NLRP5: variants seen among roughly 807,000 people sequenced by gnomAD.
The protein encoded by NLRP5 is NLR family pyrin domain containing 5.
A neutral mutation model predicts 113.1 loss-of-function variants in NLRP5; 93 were observed. The ratio of observed to expected loss-of-function variants is 0.82; its 90% CI spans 0.70 to 0.98. NLRP5 has a LOEUF of 0.98. Among genes scored for constraint, NLRP5 ranks in the 50% least tolerant of loss-of-function variants. The pLI is 0.00. For synonymous variants in NLRP5, 751 were observed against 600.7 expected, an observed-to-expected ratio of 1.25 and a Z score of -3.66; for missense variants, 1,808 against 1,514.3, an observed-to-expected ratio of 1.19 and a Z score of -3.22.
chr19:56,055,770 C>G lies in NLRP5; in HGVS notation c.3299+1962C>G, dbSNP rs990466478. On this transcript the variant is annotated intron_variant, in intron 13 of 14. Transcript: ENST00000390649. ...CCGTGTTAGCCAGGATGGTCTCAAT[C>G]TCCTGACCTCATGATCTGCCCGCCT... Among the ~76,000 whole-genome samples the G allele has an allele frequency of 1.3e-4, 20 of 151,746 alleles. No homozygotes were observed. The South Asian group carries it at 2.3e-3, about 17-fold the overall frequency.
At chr19:56,011,324 T>C (rs780814063) in intron 3 of NLRP5, among the ~76,000 whole-genome samples, 19 of 151,912 alleles carry the variant, frequency 1.3e-4, no homozygotes, top group Non-Finnish European at 2.4e-4. Flanking sequence ...AGTGGTTGCC[T>C]AGGGCTGGGG....
chr19:56,039,899 C>T (rs994299671), intron 10 of NLRP5, among the ~76,000 whole-genome samples: 15 of 151,798 alleles, frequency 9.9e-5, no homozygotes, highest in Middle Eastern at 3.4e-3. Context: ...GGGCAACAAG[C>T]GCAAAACTCC....
intron 11 of NLRP5, among the ~76,000 whole-genome samples, chr19:56,043,780 C>T (rs494910): frequency 0.063 from 9,465 of 151,150 alleles, 388 homozygotes; most frequent in Non-Finnish European, 0.094. Flanking sequence ...GGTTTCACCA[C>T]GTTAGCCAGG....
chr19:56,032,833 G>C (rs1983175028), intron 8 of NLRP5, 52 bp downstream of exon 8: 2 of 1,530,466 alleles, frequency 1.3e-6, no homozygotes, highest in East Asian at 4.6e-5. Context: ...CGCTATCCCA[G>C]CTCTCCCCTA....
Position 56,002,540 on chromosome 19 carries a change from G to A in NLRP5, c.63-1176G>A, listed in dbSNP as rs536043753. 4.6e-5 allele frequency among the ~76,000 whole-genome samples: 7 copies of A among 151,194 alleles called. No individual in the cohort carries two copies. In the East Asian group the frequency reaches 7.8e-4, roughly 17 times the overall value. On this transcript the variant is annotated intron_variant, in intron 1 of 14. Transcript: ENST00000390649. ...GCAGGTTTGTTACATATGTATACAC[G>A]TGCCATGTTGGTGTGCTGCACCCAT...
rs1415251307 is a variant in NLRP5 at position 56,007,906 on chromosome 19, T to TGC, written c.443-881_443-880insCG. 2.5e-3 allele frequency among the ~76,000 whole-genome samples: 49 copies of TGC among 19,630 alleles called. No homozygotes were observed. The East Asian group carries it at 0.074, about 30-fold the overall frequency. The allele number at this position is 19,630 out of a possible 152,430, so 12.9% of individuals were successfully genotyped here. The stretch of plus-strand genomic sequence containing the variant: ...GTGTGTGTGCGCGTGCGCGCGTGCG[T>TGC]GTGTGTGTGTGTGTGTGTGTGTGTG... On this transcript the variant is annotated intron_variant, in intron 2 of 14. Transcript: ENST00000390649.
intron 6 of NLRP5, among the ~76,000 whole-genome samples, chr19:56,020,874 A>ATT (rs36047346): frequency 0.012 from 1,706 of 137,514 alleles, 9 homozygotes; most frequent in African/African-American, 0.026. Flanking sequence ...CCTTCGTGGC[A>ATT]TTTTTTTTTT....
rs1211452521 is a variant in NLRP5 at position 56,003,818 on chromosome 19, CAA to C, written c.167_168del (p.Lys56IlefsTer15). The C allele has an allele frequency of 1.2e-6, 2 of 1,613,846 alleles. No homozygotes were observed. The highest frequency in any genetic ancestry group is 1.7e-6 in the Non-Finnish European group (2 of 1,179,898). ...AGCCTTGTATCAAGATGGAAGGAGA[CAA>C]ATCGCTCACCTTTTCCAGCTACGGG... On this transcript the variant is annotated frameshift_variant, in exon 2 of 15. Coordinates refer to ENST00000390649, the MANE Select transcript of NLRP5 (RefSeq NM_153447.4). LOFTEE classifies it high-confidence loss of function.
chr19:56,022,566 G>A (rs529250423), intron 6 of NLRP5, among the ~76,000 whole-genome samples: 52 of 152,132 alleles, frequency 3.4e-4, no homozygotes, highest in African/African-American at 1.1e-3. Flanking sequence ...ACCATATACC[G>A]GATTGATGGG....
chr19:56,037,953 T>C lies in NLRP5; in HGVS notation c.2616-72T>C, dbSNP rs957132786. 14 of 1,501,568 alleles carry C rather than the reference T, an allele frequency of 9.3e-6. No individual in the cohort carries two copies. In the African/African-American group the frequency reaches 1.5e-4, roughly 16 times the overall value. The allele number at this position is 1,501,568 out of a possible 1,614,324, so 93.0% of individuals were successfully genotyped here. A position where few individuals can be genotyped will look rare whatever the true frequency, so the allele number is the denominator to read the frequency against. On this transcript the variant is annotated intron_variant, in intron 9 of 14. Coordinates refer to ENST00000390649, the MANE Select transcript of NLRP5 (RefSeq NM_153447.4). ...AGGAAAACGGCCAGCGCTGCTGGCG[T>C]GTGCTGAGTAGAGGGGAAATGGGCT...
chr19:56,060,038 A>G (rs766186160), intron 14 of NLRP5, among the ~76,000 whole-genome samples: 4 of 152,188 alleles, frequency 2.6e-5, no homozygotes, highest in Non-Finnish European at 2.9e-5. Flanking sequence ...AACATGGCTC[A>G]ATGAATCTGG....
chr19:56,057,200 C>A (rs1157415228), intron 13 of NLRP5, among the ~76,000 whole-genome samples: 1 of 152,168 alleles, frequency 6.6e-6, no homozygotes, highest in Non-Finnish European at 1.5e-5. Context: ...ATATACCCAC[C>A]ACCTAATTTA....
At chr19:56,041,708 G>A (rs1009574729) in intron 11 of NLRP5, among the ~76,000 whole-genome samples, 2 of 152,170 alleles carry the variant, frequency 1.3e-5, no homozygotes, top group Non-Finnish European at 2.9e-5. Flanking sequence ...AGCACTTTGG[G>A]AGGCTGAGGC....
intron 1 of NLRP5, among the ~76,000 whole-genome samples, chr19:56,000,512 C>T (rs1273510303): frequency 6.6e-6 from 1 of 151,700 alleles, no homozygotes; most frequent in Non-Finnish European, 1.5e-5. Flanking sequence ...CTACAGGCGC[C>T]CGCCACCACG....
intron 14 of NLRP5, among the ~76,000 whole-genome samples, chr19:56,061,152 C>A (rs747415578): frequency 6.6e-6 from 1 of 152,140 alleles, no homozygotes; most frequent in Admixed American, 6.5e-5. Context: ...TTTTTCTAAC[C>A]GATTTCAGCC....
chr19:55,996,911 A>G, upstream of NLRP5, among the ~76,000 whole-genome samples: 1 of 152,196 alleles, frequency 6.6e-6, no homozygotes. Flanking sequence ...GAATCGCCAC[A>G]CTGACTTCCA....
At chr19:56,044,452 G>C (rs1983647572) in intron 11 of NLRP5, among the ~76,000 whole-genome samples, 1 of 152,200 alleles carries the variant, frequency 6.6e-6, no homozygotes. Flanking sequence ...AATTATCTCA[G>C]CACCGTTTGT....
At chr19:56,059,946 C>T (rs1984291579) in intron 14 of NLRP5, among the ~76,000 whole-genome samples, 1 of 152,054 alleles carries the variant, frequency 6.6e-6, no homozygotes. Context: ...TGGGTATAAC[C>T]AGGAAGAAGT....
chr19:56,044,640 G>C (rs533583310), intron 11 of NLRP5, among the ~76,000 whole-genome samples: 1 of 152,280 alleles, frequency 6.6e-6, no homozygotes. Context: ...AAATCAGGTA[G>C]TGTGATGCCT....
Sources: allele counts gnomAD v4.1 joint callset (sites outside exome capture counted in the v4.1 genomes callset), GRCh38; gene constraint gnomAD v4.1.1; transcripts MANE v1.5; gene names NCBI Gene and HGNC (gene_info 2026-07-23, HGNC 2026-07-21).